PDZD8: variants seen among roughly 807,000 people sequenced by gnomAD.
The protein encoded by PDZD8 is PDZ domain containing 8, also known as PDZ domain-containing protein 8.
In PDZD8, 14 loss-of-function variants were observed where a neutral mutation model predicts 85.8. That is an observed-to-expected ratio of 0.16 (90% CI 0.11 to 0.26). The LOEUF is 0.26. Ranked by LOEUF, PDZD8 falls within the 10% of genes least tolerant of loss-of-function variation. The pLI is 1.00. For synonymous variants in PDZD8, 592 were observed against 568.6 expected, an observed-to-expected ratio of 1.04 and a Z score of -0.59; for missense variants, 1,197 against 1,424.3, an observed-to-expected ratio of 0.84 and a Z score of 2.57.
At chr10:117,349,914 T>C (rs565926009) in intron 1 of PDZD8, among the ~76,000 whole-genome samples, 47 of 152,254 alleles carry the variant, frequency 3.1e-4, no homozygotes, top group Middle Eastern at 3.4e-3. Flanking sequence ...TGAGAGGATA[T>C]TACTTAGTGA....
At chr10:117,311,901 G>T (rs1844043677) in intron 3 of PDZD8, among the ~76,000 whole-genome samples, 1 of 151,650 alleles carries the variant, frequency 6.6e-6, no homozygotes, top group Non-Finnish European at 1.5e-5. Context: ...CTGGAAATAT[G>T]GTGGGCCTGT....
chr10:117,374,863 T>A lies in PDZD8; in HGVS notation c.365A>T (p.Lys122Met). The A allele has an allele frequency of 6.2e-7, 1 of 1,613,652 alleles. No individual in the cohort carries two copies. The highest frequency in any genetic ancestry group is 8.5e-7 in the Non-Finnish European group (1 of 1,179,890). Residue 122 changes from lysine to methionine, a missense_variant, in exon 1 of 5, where the codon AAG becomes ATG. By Grantham distance (95) the Lys-to-Met change is moderately conservative. Around this residue, in one of 4 missense-constraint regions of PDZD8, gnomAD observed 344 missense variants for 453.6 expected, o/e 0.76. Coordinates refer to ENST00000334464, the MANE Select transcript of PDZD8 (RefSeq NM_173791.5). The surrounding 1 kb of genome is among the most constrained non-coding windows in gnomAD (Gnocchi z 7.8). The stretch of plus-strand genomic sequence containing the variant: ...CAGCTCCTCGAACTCCACCTTGATC[T>A]TCTTGGTGACCCAGCGGCGGGTCAG... ...TALTRRWVTKKIKVEFEELLQ... is the reference protein window; with the variant it reads ...TALTRRWVTKMIKVEFEELLQ...
At chr10:117,302,064 C>T (rs1172134428) in intron 3 of PDZD8, among the ~76,000 whole-genome samples, 1 of 152,134 alleles carries the variant, frequency 6.6e-6, no homozygotes, top group Non-Finnish European at 1.5e-5. Context: ...TAGAACAAAA[C>T]AAAGAAAACA....
intron 2 of PDZD8, among the ~76,000 whole-genome samples, chr10:117,321,718 A>G (rs896909835): frequency 1.3e-5 from 2 of 152,170 alleles, no homozygotes; most frequent in African/African-American, 2.4e-5. Flanking sequence ...TTTCTGTGGT[A>G]AGGTTACATT....
intron 1 of PDZD8, among the ~76,000 whole-genome samples, chr10:117,367,671 T>C (rs1366620515): frequency 6.6e-6 from 1 of 151,764 alleles, no homozygotes; most frequent in Non-Finnish European, 1.5e-5. Context: ...TGGTGGCTCA[T>C]GCCTGTAATC....
Position 117,367,433 on chromosome 10 carries a change from C to CAAACAAAT in PDZD8, c.872+6922_872+6923insATTTGTTT, listed in dbSNP as rs1338741075. 6.3e-4 allele frequency among the ~76,000 whole-genome samples: 95 copies of CAAACAAAT among 151,962 alleles called. 1 individual carries two copies. The highest frequency in any genetic ancestry group is 2.2e-3 in the African/African-American group (90 of 41,418). ...CAAAACAAACAAACAAACAAACAAA[C>CAAACAAAT]AAAAATTATAGCCTCCTCAAAATGA... On this transcript the variant is annotated intron_variant, in intron 1 of 4. Transcript: ENST00000334464.
At chr10:117,328,584 T>C (rs955263216) in intron 2 of PDZD8, among the ~76,000 whole-genome samples, 1 of 152,036 alleles carries the variant, frequency 6.6e-6, no homozygotes, top group Non-Finnish European at 1.5e-5. Context: ...GCTAATTTTT[T>C]TTTTCTATGT....
intron 3 of PDZD8, among the ~76,000 whole-genome samples, chr10:117,294,990 G>C (rs1030851237): frequency 6.6e-6 from 1 of 152,120 alleles, no homozygotes; most frequent in Non-Finnish European, 1.5e-5. Context: ...AGCTGGAAGA[G>C]ATTATTTTTA....
chr10:117,345,153 C>A (rs1361429701), intron 1 of PDZD8, among the ~76,000 whole-genome samples: 1 of 152,210 alleles, frequency 6.6e-6, no homozygotes, highest in East Asian at 1.9e-4. Context: ...TTCTCCCAAT[C>A]TCTTCCCAAA....
chr10:117,353,966 T>C (rs1844850356), intron 1 of PDZD8, among the ~76,000 whole-genome samples: 1 of 152,192 alleles, frequency 6.6e-6, no homozygotes, highest in African/African-American at 2.4e-5. Flanking sequence ...AAAAATGAGT[T>C]AAACACCCTT....
At position 117,281,308 on chromosome 10, in the gene PDZD8, C is replaced by T. The variant is rs1844572373; in HGVS notation, c.*1960G>A. 1 of 123,872 alleles carries T rather than the reference C, an allele frequency of 8.1e-6. No homozygotes were observed. Among genetic ancestry groups the T allele is most frequent in the Admixed American group, 9.9e-5 (1 of 10,124 alleles). 7.7% of individuals were successfully genotyped at this position (123,872 alleles called of 1,614,324 possible). A position where few individuals can be genotyped will look rare whatever the true frequency, so the allele number is the denominator to read the frequency against. Reference sequence around the variant, plus strand: ...GGCGGAGCTTGCAGTGAGCCGAGATCATGCCACTGCACTCCAGCCTGGGAG... The same window carrying T: ...GGCGGAGCTTGCAGTGAGCCGAGATTATGCCACTGCACTCCAGCCTGGGAG... On this transcript the variant is annotated 3_prime_UTR_variant, in exon 5 of 5. Transcript: ENST00000334464.
chr10:117,347,504 A>G (rs566457711), intron 1 of PDZD8, among the ~76,000 whole-genome samples: 1 of 152,294 alleles, frequency 6.6e-6, no homozygotes, highest in South Asian at 2.1e-4. Flanking sequence ...TGAAATGTAT[A>G]AAACCAAGCT....
At position 117,291,684 on chromosome 10, in the gene PDZD8, A is replaced by T. The variant is rs535645523; in HGVS notation, c.1099-1336T>A. ...ACATGGTGAGACCCCATCTTTATTT[A>T]AAAAAAAAAAGTTACATTGTTAATG... is the stretch of plus-strand genomic sequence containing the variant. On this transcript the variant is annotated intron_variant, in intron 3 of 4. Transcript: ENST00000334464. Among the ~76,000 whole-genome samples the T allele has an allele frequency of 3.6e-4, 52 of 145,066 alleles. 1 individual carries two copies. Among genetic ancestry groups the T allele is most frequent in the African/African-American group, 1.3e-3 (50 of 38,612 alleles).
intron 1 of PDZD8, among the ~76,000 whole-genome samples, chr10:117,368,797 AT>A (rs945079873): frequency 2.8e-4 from 38 of 136,954 alleles, no homozygotes; most frequent in South Asian, 4.6e-4. Flanking sequence ...ATTTCAAGGC[AT>A]TTTTTTTTTT....
chr10:117,303,477 G>A (rs1843882182), intron 3 of PDZD8, among the ~76,000 whole-genome samples: 1 of 152,238 alleles, frequency 6.6e-6, no homozygotes, highest in Non-Finnish European at 1.5e-5. Flanking sequence ...GCCTGACTAT[G>A]CGATAGAAAA....
chr10:117,319,715 C>T (rs1191315792), intron 2 of PDZD8, among the ~76,000 whole-genome samples: 1 of 152,066 alleles, frequency 6.6e-6, no homozygotes, highest in African/African-American at 2.4e-5. Context: ...GAGGTCCAGT[C>T]ACGAGATTAT....
At chr10:117,351,975 G>T (rs932821246) in intron 1 of PDZD8, among the ~76,000 whole-genome samples, 3 of 152,064 alleles carry the variant, frequency 2.0e-5, no homozygotes, top group Non-Finnish European at 4.4e-5. Context: ...CACTATACTT[G>T]GCGTGTTTAA....
intron 3 of PDZD8, among the ~76,000 whole-genome samples, chr10:117,301,004 T>C (rs1383017437): frequency 6.6e-6 from 1 of 152,188 alleles, no homozygotes; most frequent in Non-Finnish European, 1.5e-5. Flanking sequence ...TTTTTTCTTT[T>C]TTTTGAGACA....
chr10:117,309,372 T>C (rs947938025), intron 3 of PDZD8, among the ~76,000 whole-genome samples: 2 of 141,170 alleles, frequency 1.4e-5, no homozygotes, highest in Non-Finnish European at 3.1e-5. Flanking sequence ...ATACTAAAAG[T>C]TGAAATAACA....
Sources: allele counts gnomAD v4.1 joint callset (sites outside exome capture counted in the v4.1 genomes callset), GRCh38; gene constraint gnomAD v4.1.1; regional missense constraint gnomAD v4.1.1; non-coding constraint Gnocchi (gnomAD v3.1); transcripts MANE v1.5; gene names NCBI Gene and HGNC (gene_info 2026-07-23, HGNC 2026-07-21).